The following PRDM8 variants were observed in gnomAD, a reference collection of about 807,000 sequenced individuals.
The protein encoded by PRDM8 is PR domain zinc finger protein 8.
In PRDM8, 13 loss-of-function variants were observed where a neutral mutation model predicts 46.5. That is an observed-to-expected ratio of 0.28 (90% confidence interval 0.18 to 0.44). The LOEUF is 0.44. Ranked by LOEUF, PRDM8 falls within the 20% of genes least tolerant of loss-of-function variation. The pLI, the probability that PRDM8 is intolerant of heterozygous loss-of-function variation, is 1.00. For missense variants in PRDM8, 998 were observed against 955.0 expected, an observed-to-expected ratio of 1.04 and a Z score of -0.59; for synonymous variants, 473 against 438.4, an observed-to-expected ratio of 1.08 and a Z score of -0.98.
rs367656554 is a variant in PRDM8 at position 80,185,678 on chromosome 4, C to A, written c.-983+160C>A. On this transcript the variant is annotated intron_variant, in intron 1 of 9. Coordinates refer to the PRDM8 transcript ENST00000339711. ...CTGTCCCCTTGCGAGGGCACTAGGA[C>A]AACAGGAGGGGCGCACCTGCAATAC... Among the ~76,000 whole-genome samples the A allele has an allele frequency of 1.8e-4, 28 of 152,280 alleles. No homozygotes were observed. The East Asian group carries it at 2.5e-3, about 14-fold the overall frequency.
chr4:80,203,263 T>TTGCAGC lies in PRDM8; in HGVS notation c.1811_1816dup (p.Gln604_Leu605dup), dbSNP rs777876948. On this transcript the variant is annotated inframe_insertion, in exon 4 of 4. Coordinates refer to ENST00000415738, the MANE Select transcript of PRDM8 (RefSeq NM_001099403.2). ...GGCTGCGGCGGCGGCCGCGGGGCCC[T>TTGCAGC]TGCAGCTGCAGCTGCCCTCGGCGCT... is the stretch of plus-strand genomic sequence containing the variant. 3.8e-6 allele frequency: 6 copies of TTGCAGC among 1,580,376 alleles called. No individual in the cohort carries two copies. The highest frequency in any genetic ancestry group is 2.3e-5 in the East Asian group (1 of 42,858).
chr4:80,202,095 C>CCAGCAGCAG lies in PRDM8; in HGVS notation c.643_651dup (p.Gln215_Gln217dup). 1 of 1,591,412 alleles carries CCAGCAGCAG rather than the reference C, an allele frequency of 6.3e-7. No homozygotes were observed. Among genetic ancestry groups the CCAGCAGCAG allele is most frequent in the Non-Finnish European group, 8.5e-7 (1 of 1,170,974 alleles). ...GGGGCGGCGGCGGCGGTGGCAAAGACCAGCAGCAGCAGCAGCAGGAGGCAC... is the reference window on the plus strand; with the variant it reads ...GGGGCGGCGGCGGCGGTGGCAAAGACCAGCAGCAGCAGCAGCAGCAGCAGCAGGAGGCAC... On this transcript the variant is annotated inframe_insertion, in exon 4 of 4. Coordinates refer to ENST00000415738, the MANE Select transcript of PRDM8 (RefSeq NM_001099403.2).
intron 1 of PRDM8, chr4:80,190,089 A>T (rs1737426664): frequency 6.6e-6 from 1 of 152,274 alleles, no homozygotes; most frequent in African/African-American, 2.4e-5. Flanking sequence ...GGTCATCGGC[A>T]GCCCAGCTAG....
At chr4:80,199,427 T>C (rs1267170480) in intron 1 of PRDM8, among the ~76,000 whole-genome samples, 1 of 152,168 alleles carries the variant, frequency 6.6e-6, no homozygotes, top group Non-Finnish European at 1.5e-5. Context: ...ATTATGGTAA[T>C]GAGCAGACAT....
chr4:80,201,894 G>T lies in PRDM8; in HGVS notation c.452-20G>T. 6.2e-7 allele frequency: 1 copy of T among 1,612,978 alleles called. No individual in the cohort carries two copies. Among genetic ancestry groups the T allele is most frequent in the Non-Finnish European group, 8.5e-7 (1 of 1,179,828 alleles). On this transcript the variant is annotated intron_variant, in intron 3 of 3. Transcript: ENST00000415738. ...TGTGTGTGCGTGCGTGCGTGTGTGT[G>T]GTGTTTGCTCACTAAGCAGGGTCGT... is the stretch of plus-strand genomic sequence containing the variant.
At chr4:80,192,755 A>G (rs1737652787), upstream of PRDM8, among the ~76,000 whole-genome samples, 1 of 152,128 alleles carries the variant, frequency 6.6e-6, no homozygotes, top group African/African-American at 2.4e-5. Context: ...TGGATATTGG[A>G]TTTGGTTCAG....
chr4:80,199,125 G>T (rs1409567798), intron 1 of PRDM8, among the ~76,000 whole-genome samples: 1 of 151,292 alleles, frequency 6.6e-6, no homozygotes, highest in African/African-American at 2.4e-5. Context: ...GGATTAAACA[G>T]CTGGGGAGCC....
chr4:80,188,055 G>C (rs1274508428), intron 1 of PRDM8, among the ~76,000 whole-genome samples: 1 of 152,110 alleles, frequency 6.6e-6, no homozygotes, highest in Non-Finnish European at 1.5e-5. Flanking sequence ...AGGAGGACCC[G>C]CATTCAGCTT....
upstream of PRDM8, chr4:80,196,656 G>A (rs1257834464): frequency 2.1e-6 from 2 of 973,454 alleles, no homozygotes; most frequent in Non-Finnish European, 2.4e-6. Flanking sequence ...ACCTCAGAGT[G>A]CCAACAGTAC....
chr4:80,195,234 C>A (rs921833938), upstream of PRDM8, among the ~76,000 whole-genome samples: 1 of 152,148 alleles, frequency 6.6e-6, no homozygotes, highest in Admixed American at 6.6e-5. Flanking sequence ...TCCTCACACA[C>A]CATATTGCAT....
At chr4:80,195,298 TCTTAA>T (rs1737858949), upstream of PRDM8, among the ~76,000 whole-genome samples, 2 of 152,230 alleles carry the variant, frequency 1.3e-5, no homozygotes, top group Admixed American at 1.3e-4. Context: ...TACTTTTCTT[TCTTAA>T]CTTGAAGTTG....
chr4:80,201,593 ACCCGGCGCGTTG>A, intron 3 of PRDM8, 72 bp downstream of exon 3: 1 of 1,471,372 alleles, frequency 6.8e-7, no homozygotes, highest in Non-Finnish European at 9.4e-7. Context: ...GCAGGGGCTC[ACCCGGCGCGTTG>A]GCGCGCCTTT....
At chr4:80,199,709 A>ATGTGTGTGTGTGTGTGTGTGTGTGTG (rs34334135) in intron 1 of PRDM8, among the ~76,000 whole-genome samples, 2 of 132,976 alleles carry the variant, frequency 1.5e-5, no homozygotes, top group African/African-American at 5.8e-5. Context: ...ATATATATAT[A>ATGTGTGTGTGTGTGTGTGTGTGTGTG]TGTGTGTGTG....
chr4:80,188,965 C>T (rs537877575), intron 1 of PRDM8, among the ~76,000 whole-genome samples: 1 of 152,366 alleles, frequency 6.6e-6, no homozygotes, highest in South Asian at 2.1e-4. Flanking sequence ...AGTGGTGTAG[C>T]TGCTGCCTCC....
chr4:80,190,759 G>A (rs931616230), intron 1 of PRDM8, among the ~76,000 whole-genome samples: 4 of 152,172 alleles, frequency 2.6e-5, no homozygotes, highest in African/African-American at 9.7e-5. Context: ...CCCAAACTTA[G>A]GACTCAAACT....
chr4:80,196,652 G>T (rs1737982411), upstream of PRDM8: 2 of 976,498 alleles, frequency 2.0e-6, no homozygotes, highest in African/African-American at 1.8e-5. Flanking sequence ...CAAGACCTCA[G>T]AGTGCCAACA....
At position 80,202,733 on chromosome 4, in the gene PRDM8, C is replaced by G. The variant is rs1424374234; in HGVS notation, c.1271C>G (p.Thr424Arg). Residue 424 changes from threonine (T) to arginine (R), a missense_variant, in exon 4 of 4, where the codon ACG becomes AGG. Coordinates refer to ENST00000415738, the MANE Select transcript of PRDM8 (RefSeq NM_001099403.2). ...QDAGGGGGSS[T>R]PAAASPVGAE... is the part of the protein sequence containing the mutation. ...GCTGGCGGCGGCGGCGGCTCCTCCACGCCCGCGGCCGCGTCACCGGTGGGC... is the reference window on the plus strand; with the variant it reads ...GCTGGCGGCGGCGGCGGCTCCTCCAGGCCCGCGGCCGCGTCACCGGTGGGC... 1 of 1,296,612 alleles carries G rather than the reference C, an allele frequency of 7.7e-7. No homozygotes were observed. Among genetic ancestry groups the G allele is most frequent in the African/African-American group, 1.6e-5 (1 of 64,108 alleles). 80.3% of individuals were successfully genotyped at this position (1,296,612 alleles called of 1,614,324 possible). A position where few individuals can be genotyped will look rare whatever the true frequency, so the allele number is the denominator to read the frequency against.
chr4:80,199,969 T>G, intron 1 of PRDM8, 110 bp from the exon 2 acceptor site: 1 of 788,306 alleles, frequency 1.3e-6, no homozygotes, highest in Non-Finnish European at 2.0e-6. Context: ...TATGCAAAAA[T>G]CAGGCATGTG....
chr4:80,201,297 C>T lies in PRDM8; in HGVS notation c.227C>T (p.Thr76Ile), dbSNP rs2109876943. The T allele has an allele frequency of 1.2e-6, 2 of 1,614,228 alleles. No homozygotes were observed. Among genetic ancestry groups the T allele is most frequent in the Non-Finnish European group, 1.7e-6 (2 of 1,180,036 alleles). Residue 76 changes from threonine (T) to isoleucine (I), a missense_variant, in exon 3 of 4, where the codon ACC (threonine) becomes ATC (isoleucine). By Grantham distance (89) the Thr-to-Ile change is moderately conservative (BLOSUM62 -1). Transcript: ENST00000415738. The stretch of plus-strand genomic sequence containing the variant: ...ATTTATTTCAAACCGCAGGTAGACA[C>T]CTCAGCAGCAAATGGTTCCTCAGAA... ...RTVPYIFRVD[T>I]SAANGSSEGL...
Sources: gnomAD v4.1 joint callset for allele counts (sites outside exome capture counted in the v4.1 genomes callset) on GRCh38, gnomAD v4.1.1 for gene constraint, MANE v1.5 for transcripts, NCBI Gene and HGNC (gene_info 2026-07-23, HGNC 2026-07-21) for gene names.